The following DCDC1 variants were observed in gnomAD, a reference collection of about 807,000 sequenced individuals.
The protein encoded by DCDC1 is doublecortin domain-containing protein 1.
DCDC1 carries 200 observed loss-of-function variants against 178.3 expected under a neutral mutation model. The ratio of observed to expected loss-of-function variants is 1.12; its 90% CI spans 1.00 to 1.26. The LOEUF (loss-of-function observed/expected upper bound fraction) is 1.26, where lower values mean the gene tolerates loss of function less well. DCDC1 is among the 50% of genes most tolerant of loss of function. The pLI is 0.00. For missense variants in DCDC1, 1,983 were observed against 1,749.2 expected, an observed-to-expected ratio of 1.13 and a Z score of -2.38; for synonymous variants, 690 against 604.8, an observed-to-expected ratio of 1.14 and a Z score of -2.07.
intron 11 of DCDC1, among the ~76,000 whole-genome samples, chr11:31,111,093 G>A (rs1271737021): frequency 1.3e-5 from 2 of 152,116 alleles, no homozygotes; most frequent in African/African-American, 4.8e-5. Flanking sequence ...GGATCCATGT[G>A]GGGTGTGCCA....
At chr11:31,241,826 A>C (rs1449024297) in intron 8 of DCDC1, 1 of 331,410 alleles carries the variant, frequency 3.0e-6, no homozygotes, top group Non-Finnish European at 5.4e-6. Flanking sequence ...AAGACTCATA[A>C]GCTTTGTGAG....
rs117736151 is a variant in DCDC1, at chr11:31,018,434, G to A, written c.2591+46035C>T. On this transcript the variant is annotated intron_variant, in intron 20 of 38. Coordinates refer to ENST00000684477, the MANE Select transcript of DCDC1 (RefSeq NM_001387274.1). ...CACTGGTATTTATCTCAGATCCAGT[G>A]AACATTACTAAGCTCCTAAGCGCCA... 7.3e-3 allele frequency among the ~76,000 whole-genome samples: 1,105 copies of A among 152,306 alleles called. 9 individuals are homozygous for A. Among genetic ancestry groups the A allele is most frequent in the Non-Finnish European group, 0.013 (863 of 68,008 alleles).
chr11:31,324,383 T>TG (rs1475694869), intron 3 of DCDC1, among the ~76,000 whole-genome samples: 1 of 151,952 alleles, frequency 6.6e-6, no homozygotes, highest in Non-Finnish European at 1.5e-5. Context: ...AATTTAAAAC[T>TG]GGGGGGCTTA....
chr11:31,173,755 C>CAA (rs1426129459), intron 9 of DCDC1, among the ~76,000 whole-genome samples: 33 of 89,014 alleles, frequency 3.7e-4, no homozygotes, highest in East Asian at 3.0e-3. Flanking sequence ...CACACACACA[C>CAA]ACAAACACAC....
chr11:31,110,911 C>T (rs1959160113), intron 11 of DCDC1, among the ~76,000 whole-genome samples: 2 of 152,006 alleles, frequency 1.3e-5, no homozygotes, highest in Admixed American at 1.3e-4. Flanking sequence ...TTTAAGTGCA[C>T]ATATCCAAAA....
chr11:31,275,499 G>C (rs898712197), intron 7 of DCDC1, among the ~76,000 whole-genome samples: 3 of 151,960 alleles, frequency 2.0e-5, no homozygotes, highest in Middle Eastern at 3.2e-3. Flanking sequence ...CGTTGTTGTT[G>C]TTGTTTGCTT....
intron 36 of DCDC1, among the ~76,000 whole-genome samples, chr11:30,885,848 T>G (rs1316787865): frequency 6.6e-6 from 1 of 152,086 alleles, no homozygotes. Flanking sequence ...AGGAATTTAC[T>G]TAAGGAAAAT....
At chr11:31,122,497 A>T (rs1010281389) in intron 11 of DCDC1, among the ~76,000 whole-genome samples, 1 of 152,124 alleles carries the variant, frequency 6.6e-6, no homozygotes, top group East Asian at 1.9e-4. Context: ...ATTATTATAA[A>T]TTCTGCTGAT....
At chr11:31,115,600 T>C (rs1255984866) in intron 11 of DCDC1, among the ~76,000 whole-genome samples, 1 of 152,166 alleles carries the variant, frequency 6.6e-6, no homozygotes, top group African/African-American at 2.4e-5. Flanking sequence ...CTATCTGGCA[T>C]ATTTCAGGTG....
intron 20 of DCDC1, among the ~76,000 whole-genome samples, chr11:31,033,250 C>T (rs964608433): frequency 6.6e-6 from 1 of 152,026 alleles, no homozygotes; most frequent in Non-Finnish European, 1.5e-5. Flanking sequence ...AAATTATAAA[C>T]AACTTACCAG....
chr11:31,156,937 A>G (rs1474857506), intron 9 of DCDC1, among the ~76,000 whole-genome samples: 1 of 152,214 alleles, frequency 6.6e-6, no homozygotes, highest in Non-Finnish European at 1.5e-5. Context: ...ATGTTTGCAA[A>G]TAAAATACTT....
intron 9 of DCDC1, among the ~76,000 whole-genome samples, chr11:31,226,181 C>T (rs576671757): frequency 3.2e-4 from 48 of 152,044 alleles, no homozygotes; most frequent in Non-Finnish European, 6.3e-4. Context: ...GCTTTCTTCT[C>T]TAATGGCTTC....
At chr11:31,362,859 A>C (rs1951780716) in intron 1 of DCDC1, among the ~76,000 whole-genome samples, 1 of 152,132 alleles carries the variant, frequency 6.6e-6, no homozygotes, top group East Asian at 1.9e-4. Context: ...TTTAGCATAC[A>C]AGACCTGTTT....
At chr11:31,345,167 T>C (rs1164083084) in intron 1 of DCDC1, among the ~76,000 whole-genome samples, 2 of 152,184 alleles carry the variant, frequency 1.3e-5, no homozygotes, top group Non-Finnish European at 2.9e-5. Context: ...AAAAACCTTA[T>C]TATAGTATGT....
chr11:31,094,968 G>T (rs553128326), intron 15 of DCDC1, among the ~76,000 whole-genome samples: 4 of 152,066 alleles, frequency 2.6e-5, no homozygotes, highest in African/African-American at 2.4e-5. Flanking sequence ...GACAGGCCCT[G>T]GTGTGTGATG....
At chr11:31,223,340 G>A (rs946597850) in intron 9 of DCDC1, among the ~76,000 whole-genome samples, 1 of 152,080 alleles carries the variant, frequency 6.6e-6, no homozygotes, top group Non-Finnish European at 1.5e-5. Flanking sequence ...ATGTATTTAT[G>A]TATGTATGCA....
chr11:30,904,486 C>T (rs1315090541), intron 31 of DCDC1: 1 of 168,900 alleles, frequency 5.9e-6, no homozygotes, highest in African/African-American at 2.4e-5. Flanking sequence ...CCAAGGCAGA[C>T]CAGGTAGTTC....
At chr11:31,014,574 A>G (rs1188544782) in intron 20 of DCDC1, among the ~76,000 whole-genome samples, 1 of 152,154 alleles carries the variant, frequency 6.6e-6, no homozygotes, top group African/African-American at 2.4e-5. Flanking sequence ...TTAAGTCACT[A>G]AGTTTGGGGT....
intron 20 of DCDC1, among the ~76,000 whole-genome samples, chr11:30,972,902 G>A (rs533531082): frequency 6.6e-6 from 1 of 152,184 alleles, no homozygotes; most frequent in African/African-American, 2.4e-5. Flanking sequence ...CATAGGGGTA[G>A]TTTCTCATGG....
Sources: gnomAD v4.1 joint callset for allele counts (sites outside exome capture counted in the v4.1 genomes callset) on GRCh38, gnomAD v4.1.1 for gene constraint, MANE v1.5 for transcripts, NCBI Gene and HGNC (gene_info 2026-07-23, HGNC 2026-07-21) for gene names.